Variants in CASTOR2 observed in about 807,000 individuals in gnomAD.
CASTOR2 encodes the protein cytosolic arginine sensor for mTORC1 subunit 2.
A neutral mutation model predicts 31.2 loss-of-function variants in CASTOR2; 8 were observed. The ratio of observed to expected loss-of-function variants is 0.26; its 90% CI spans 0.15 to 0.46. CASTOR2 has a LOEUF of 0.46. Among genes scored for constraint, CASTOR2 ranks in the 20% least tolerant of loss-of-function variants. The probability of loss-of-function intolerance (pLI) is 0.99; values close to 1 mark genes in which losing one functional copy is unlikely to be tolerated. For synonymous variants in CASTOR2, 162 were observed against 158.7 expected (o/e 1.02, Z -0.16); for missense variants, 216 against 382.1 (o/e 0.57, Z 3.62).
chr7:75,025,871 G>A lies in CASTOR2; in HGVS notation c.*1172G>A, dbSNP rs1253072917. On this transcript the variant is annotated 3_prime_UTR_variant, in exon 9 of 9. Transcript: ENST00000616305. ...TAAGCTGGTGCTCTGTGGCTCCAGG[G>A]ACAGGCAGTGGGAATCGGGAGATGT... 6.6e-6 allele frequency among the ~76,000 whole-genome samples: 1 copy of A among 152,322 alleles called. No homozygotes were observed. The highest frequency in any genetic ancestry group is 2.4e-5 in the African/African-American group (1 of 41,566).
intron 1 of CASTOR2, among the ~76,000 whole-genome samples, chr7:74,967,579 C>A (rs1554434777): frequency 1.7e-5 from 1 of 58,790 alleles, no homozygotes; most frequent in Non-Finnish European, 3.0e-5. Context: ...GAGTTTTGCT[C>A]TTGTCCGGGC....
chr7:75,007,395 G>A (rs2131944350), intron 1 of CASTOR2, among the ~76,000 whole-genome samples: 1 of 152,302 alleles, frequency 6.6e-6, no homozygotes, highest in African/African-American at 2.4e-5. Context: ...CCCAGGCTGA[G>A]TGGTGCTATC....
chr7:75,015,329 G>C (rs1804841469), intron 2 of CASTOR2, among the ~76,000 whole-genome samples: 1 of 152,182 alleles, frequency 6.6e-6, no homozygotes, highest in African/African-American at 2.4e-5. Context: ...GAGTGCAGTG[G>C]TGCGGTCATA....
Position 75,028,746 on chromosome 7 carries a change from C to T in CASTOR2, c.*4047C>T, listed in dbSNP as rs1270900420. 1.3e-5 allele frequency among the ~76,000 whole-genome samples: 2 copies of T among 152,172 alleles called. No individual in the cohort carries two copies. The highest frequency in any genetic ancestry group is 2.9e-5 in the Non-Finnish European group (2 of 68,028). Reference sequence around the variant, plus strand: ...ACTCTGCACCTCCTTCCTCCATGGGCATCTCCAGGACCGCCCTCCTTCAAG... The same window carrying T: ...ACTCTGCACCTCCTTCCTCCATGGGTATCTCCAGGACCGCCCTCCTTCAAG... On this transcript the variant is annotated 3_prime_UTR_variant, in exon 9 of 9. Transcript: ENST00000616305.
intron 2 of CASTOR2, among the ~76,000 whole-genome samples, chr7:75,016,026 A>C (rs1449401693): frequency 6.6e-6 from 1 of 152,136 alleles, no homozygotes; most frequent in East Asian, 1.9e-4. Flanking sequence ...AGATCATGCC[A>C]ATGTACTCCA....
rs1235393949 is a variant in CASTOR2, at chr7:75,030,067, G to A, written c.*5368G>A. Reference sequence around the variant, plus strand: ...GCCTGGAGCAGAGGCAGGAGCCTGAGGCCTGAGCCATGGCATCCAGGGACA... The same window carrying A: ...GCCTGGAGCAGAGGCAGGAGCCTGAAGCCTGAGCCATGGCATCCAGGGACA... On this transcript the variant is annotated 3_prime_UTR_variant, in exon 9 of 9. Transcript: ENST00000616305. Among the ~76,000 whole-genome samples, 1 of 152,218 alleles carries A rather than the reference G, an allele frequency of 6.6e-6. No homozygotes were observed. The highest frequency in any genetic ancestry group is 2.4e-5 in the African/African-American group (1 of 41,460).
chr7:75,006,267 G>A (rs1431450562), intron 1 of CASTOR2, among the ~76,000 whole-genome samples: 1 of 152,200 alleles, frequency 6.6e-6, no homozygotes, highest in Admixed American at 6.5e-5. Context: ...CTAGGTGATG[G>A]AGCAAGACCC....
intron 1 of CASTOR2, among the ~76,000 whole-genome samples, chr7:74,996,155 C>T (rs1241654581): frequency 5.3e-5 from 8 of 151,920 alleles, no homozygotes; most frequent in Non-Finnish European, 8.8e-5. Context: ...AGATGGGCCC[C>T]GGTGGCAGGA....
chr7:74,997,729 GTGTT>G (rs1182280540), intron 1 of CASTOR2, among the ~76,000 whole-genome samples: 1 of 151,534 alleles, frequency 6.6e-6, no homozygotes, highest in Non-Finnish European at 1.5e-5. Context: ...GCCTGACCAG[GTGTT>G]TTTGTTTTTT....
chr7:74,987,403 G>C (rs375769815), intron 1 of CASTOR2, among the ~76,000 whole-genome samples: 12 of 91,688 alleles, frequency 1.3e-4, no homozygotes, highest in African/African-American at 4.7e-4. Flanking sequence ...GTCTCAAAAA[G>C]AAAAAAAAAA....
intron 2 of CASTOR2, among the ~76,000 whole-genome samples, chr7:75,012,881 C>T (rs1461907292): frequency 1.3e-5 from 2 of 152,076 alleles, no homozygotes; most frequent in East Asian, 3.9e-4. Context: ...TCAAGTGATC[C>T]ACCCGCCTCA....
chr7:75,011,367 T>C (rs1231992574), intron 2 of CASTOR2, among the ~76,000 whole-genome samples: 17 of 147,858 alleles, frequency 1.1e-4, no homozygotes, highest in Non-Finnish European at 2.4e-4. Flanking sequence ...AGGCAGAGGC[T>C]GCAATGAGCC....
intron 7 of CASTOR2, 137 bp from the exon 8 acceptor site, chr7:75,024,303 G>C: frequency 3.4e-6 from 3 of 892,736 alleles, no homozygotes; most frequent in Non-Finnish European, 5.5e-6. Context: ...AAAAATAAAA[G>C]GGATAGCAGA....
At chr7:74,994,881 G>A (rs1162376603) in intron 1 of CASTOR2, among the ~76,000 whole-genome samples, 1 of 152,190 alleles carries the variant, frequency 6.6e-6, no homozygotes. Flanking sequence ...GGGTGTAATA[G>A]GAGATGAGAG....
chr7:74,985,585 C>CA (rs782053038), intron 1 of CASTOR2, among the ~76,000 whole-genome samples: 47,344 of 67,600 alleles, frequency 0.7, 16,877 homozygotes, highest in East Asian at 0.92. Context: ...CAGCCTGGCT[C>CA]AAAAAAAAAA....
At chr7:74,994,355 C>T (rs1563058070) in intron 1 of CASTOR2, among the ~76,000 whole-genome samples, 2 of 152,188 alleles carry the variant, frequency 1.3e-5, no homozygotes, top group South Asian at 2.1e-4. Context: ...GGACCAGCTG[C>T]GACCTGGATC....
At position 75,029,495 on chromosome 7, in the gene CASTOR2, C is replaced by G. The variant is rs1288369642; in HGVS notation, c.*4796C>G. On this transcript the variant is annotated 3_prime_UTR_variant, in exon 9 of 9. Coordinates refer to ENST00000616305, the MANE Select transcript of CASTOR2 (RefSeq NM_001145064.3). ...AGTAGCTGGGATTACAGGCACCCAC[C>G]ACCACGCTCGGCTAATTTTTGTATT... 1.3e-5 allele frequency among the ~76,000 whole-genome samples: 2 copies of G among 151,894 alleles called. No individual in the cohort carries two copies. Among genetic ancestry groups the G allele is most frequent in the African/African-American group, 4.8e-5 (2 of 41,346 alleles).
chr7:74,975,969 G>C, intron 1 of CASTOR2, among the ~76,000 whole-genome samples: 1 of 150,060 alleles, frequency 6.7e-6, no homozygotes, highest in Non-Finnish European at 1.5e-5. Context: ...CCGGCAGAGC[G>C]GGGCTTTGAA....
chr7:75,012,799 C>T (rs1315583027), intron 2 of CASTOR2, among the ~76,000 whole-genome samples: 2 of 150,178 alleles, frequency 1.3e-5, no homozygotes, highest in Non-Finnish European at 1.5e-5. Flanking sequence ...CCGCTATGCC[C>T]AGCTAATTTT....
Sources: gnomAD v4.1 joint callset for allele counts (sites outside exome capture counted in the v4.1 genomes callset) on GRCh38, gnomAD v4.1.1 for gene constraint, MANE v1.5 for transcripts, NCBI Gene and HGNC (gene_info 2026-07-23, HGNC 2026-07-21) for gene names.